Variants in MSANTD5 observed in about 807,000 individuals in gnomAD.
MSANTD5 encodes the protein Myb/SANT DNA binding domain containing 5.
chr5:178,695,057 T>C (rs1261578423), intron 3 of MSANTD5, 110 bp from the exon 4 acceptor site: 2 of 152,118 alleles, frequency 1.3e-5, no homozygotes, highest in African/African-American at 4.8e-5. Context: ...TCTGAACAAG[T>C]CCACGAACAA....
At chr5:178,698,109 G>A (rs1765439071), upstream of MSANTD5, among the ~76,000 whole-genome samples, 1 of 152,168 alleles carries the variant, frequency 6.6e-6, no homozygotes, top group Admixed American at 6.5e-5. Context: ...TAAGGATTAG[G>A]GGAAGAGACT....
At chr5:178,698,473 T>C (rs1765443478), upstream of MSANTD5, among the ~76,000 whole-genome samples, 1 of 152,124 alleles carries the variant, frequency 6.6e-6, no homozygotes, top group Non-Finnish European at 1.5e-5. Flanking sequence ...ACTCTTGGGC[T>C]TGATTCCACT....
chr5:178,701,940 T>G (rs1338107484), upstream of MSANTD5, among the ~76,000 whole-genome samples: 1 of 150,036 alleles, frequency 6.7e-6, no homozygotes, highest in Non-Finnish European at 1.5e-5. Flanking sequence ...TCCATGTTGG[T>G]CAGGCTGGTC....
upstream of MSANTD5, among the ~76,000 whole-genome samples, chr5:178,701,611 G>A (rs906896867): frequency 2.7e-5 from 4 of 150,328 alleles, no homozygotes; most frequent in African/African-American, 9.7e-5. Context: ...GGCGGAGGTT[G>A]CAGTGAGACA....
At chr5:178,697,298 CA>C (rs1212376009) in intron 1 of MSANTD5, among the ~76,000 whole-genome samples, 1 of 149,480 alleles carries the variant, frequency 6.7e-6, no homozygotes, top group Non-Finnish European at 1.5e-5. Flanking sequence ...ACTAAAAATA[CA>C]AAAAATTAGC....
the MSANTD5 span, among the ~76,000 whole-genome samples, chr5:178,706,012 TCTGAATTCTTTTCGACCTCA>T: frequency 3.5e-4 from 54 of 152,160 alleles, no homozygotes; most frequent in Admixed American, 5.9e-4. Flanking sequence ...ATCCATTATT[TCTGAATTCTTTTCGACCTCA>T]CTGAGTTTCC....
chr5:178,701,023 G>T (rs1344508349), upstream of MSANTD5, among the ~76,000 whole-genome samples: 4 of 152,308 alleles, frequency 2.6e-5, no homozygotes, highest in East Asian at 7.7e-4. Context: ...GCCCAGGCTG[G>T]AGTGCAGTGG....
At chr5:178,692,488 A>G (rs1343107753), downstream of MSANTD5, among the ~76,000 whole-genome samples, 1 of 152,036 alleles carries the variant, frequency 6.6e-6, no homozygotes, top group Non-Finnish European at 1.5e-5. Context: ...CTGTATCTGG[A>G]GGATTATAAC....
At chr5:178,703,982 A>G in the MSANTD5 span, among the ~76,000 whole-genome samples, 1 of 143,054 alleles carries the variant, frequency 7.0e-6, no homozygotes, top group Non-Finnish European at 1.5e-5. Context: ...CTCCGTCTCA[A>G]AAAAAAAAAA....
At chr5:178,692,519 A>G (rs910244875), downstream of MSANTD5, among the ~76,000 whole-genome samples, 4 of 152,060 alleles carry the variant, frequency 2.6e-5, no homozygotes, top group Non-Finnish European at 5.9e-5. Flanking sequence ...ACAATAGTCC[A>G]AACTGGAAAC....
upstream of MSANTD5, among the ~76,000 whole-genome samples, chr5:178,700,151 T>C (rs1561610369): frequency 6.6e-6 from 1 of 152,108 alleles, no homozygotes; most frequent in Non-Finnish European, 1.5e-5. Flanking sequence ...GCCCTGGGCA[T>C]GGGGGCCGTC....
At chr5:178,706,407 C>T in the MSANTD5 span, among the ~76,000 whole-genome samples, 3 of 152,210 alleles carry the variant, frequency 2.0e-5, no homozygotes, top group South Asian at 2.1e-4. Flanking sequence ...TATAACCCAG[C>T]GCTGTTGCAC....
the MSANTD5 span, among the ~76,000 whole-genome samples, chr5:178,706,207 G>A: frequency 6.6e-6 from 1 of 152,062 alleles, no homozygotes; most frequent in Non-Finnish European, 1.5e-5. Flanking sequence ...GGACTTCTGG[G>A]ATAAATCCCA....
At chr5:178,701,254 T>G (rs567947509), upstream of MSANTD5, among the ~76,000 whole-genome samples, 122 of 152,182 alleles carry the variant, frequency 8.0e-4, no homozygotes, top group African/African-American at 2.8e-3. Context: ...TGGGATTACA[T>G]GCGTGAGCCA....
At chr5:178,703,505 G>A in the MSANTD5 span, among the ~76,000 whole-genome samples, 1 of 152,188 alleles carries the variant, frequency 6.6e-6, no homozygotes, top group Non-Finnish European at 1.5e-5. Flanking sequence ...ATGGCTTGGA[G>A]CTGCTTCTAT....
At chr5:178,703,997 A>AT in the MSANTD5 span, among the ~76,000 whole-genome samples, 1 of 151,734 alleles carries the variant, frequency 6.6e-6, no homozygotes, top group Non-Finnish European at 1.5e-5. Context: ...AAAAAAAAAA[A>AT]GAAATGACAA....
At chr5:178,704,311 C>T in the MSANTD5 span, among the ~76,000 whole-genome samples, 3 of 152,064 alleles carry the variant, frequency 2.0e-5, no homozygotes, top group African/African-American at 7.2e-5. Flanking sequence ...ATGAGGCCCC[C>T]GGGAGATGAT....
upstream of MSANTD5, among the ~76,000 whole-genome samples, chr5:178,700,312 C>T (rs987160865): frequency 9.2e-5 from 14 of 152,152 alleles, no homozygotes; most frequent in African/African-American, 2.2e-4. Flanking sequence ...AGGTGAATCC[C>T]GTGATAGGAC....
chr5:178,702,082 TAA>T (rs776552032), upstream of MSANTD5, among the ~76,000 whole-genome samples: 6 of 137,558 alleles, frequency 4.4e-5, no homozygotes, highest in East Asian at 2.1e-4. Flanking sequence ...CTGGATTAAC[TAA>T]AAAAAAAAAA....
Sources: allele counts gnomAD v4.1 joint callset (sites outside exome capture counted in the v4.1 genomes callset), GRCh38; gene constraint gnomAD v4.1.1; transcripts MANE v1.5; gene names NCBI Gene and HGNC (gene_info 2026-07-23, HGNC 2026-07-21).